Variants in METTL2B observed in about 807,000 individuals in gnomAD.
METTL2B encodes the protein tRNA N(3)-cytidine methyltransferase METTL2B.
Under a neutral mutation model 51.0 loss-of-function variants are expected in METTL2B, and 28 were observed. That is an observed-to-expected ratio of 0.55 (90% CI 0.41 to 0.75). The LOEUF (loss-of-function observed/expected upper bound fraction) is 0.75, where lower values mean the gene tolerates loss of function less well. Among genes scored for constraint, METTL2B ranks in the 30% least tolerant of loss-of-function variants. The pLI is 0.00. For synonymous variants in METTL2B, 128 were observed against 166.3 expected, an observed-to-expected ratio of 0.77 and a Z score of 1.77; for missense variants, 313 against 460.7, an observed-to-expected ratio of 0.68 and a Z score of 2.93.
At chr7:128,487,413 C>T (rs549329138) in intron 4 of METTL2B, among the ~76,000 whole-genome samples, 5 of 152,194 alleles carry the variant, frequency 3.3e-5, no homozygotes, top group South Asian at 2.1e-4. Context: ...AGAATTCTGG[C>T]ATTACAAATT....
At chr7:128,491,661 G>A (rs1291669393) in intron 5 of METTL2B, among the ~76,000 whole-genome samples, 1 of 151,390 alleles carries the variant, frequency 6.6e-6, no homozygotes, top group African/African-American at 2.4e-5. Flanking sequence ...AGCTACTGGG[G>A]AGGCTGAGGC....
rs540146967 is a variant in METTL2B at position 128,490,310 on chromosome 7, C to T, written c.669+2149C>T. Among the ~76,000 whole-genome samples the T allele has an allele frequency of 3.4e-5, 5 of 146,872 alleles. No homozygotes were observed. In the South Asian group the frequency reaches 1.1e-3, roughly 32 times the overall value. ...CAACAAGATTGCAGCAATTCAGTTA[C>T]ATCTTCAGGCTTCACTTTTTTTTTT... On this transcript the variant is annotated intron_variant, in intron 5 of 8. Coordinates refer to ENST00000262432, the MANE Select transcript of METTL2B (RefSeq NM_018396.3).
At chr7:128,499,421 C>G (rs1035248127) in intron 7 of METTL2B, among the ~76,000 whole-genome samples, 2 of 151,900 alleles carry the variant, frequency 1.3e-5, no homozygotes, top group African/African-American at 2.4e-5. Flanking sequence ...GGCGCGATCT[C>G]GGCTCACTGC....
At chr7:128,494,543 T>C (rs1289648817) in intron 6 of METTL2B, among the ~76,000 whole-genome samples, 2 of 152,326 alleles carry the variant, frequency 1.3e-5, no homozygotes, top group African/African-American at 2.4e-5. Context: ...GAAATTCCTA[T>C]TGATAATCTC....
intron 4 of METTL2B, chr7:128,484,251 A>T (rs1394071594): frequency 7.1e-5 from 1 of 14,104 alleles, no homozygotes; most frequent in African/African-American, 2.7e-4. Context: ...TTTTTGAGAC[A>T]GGATTTCTGT....
chr7:128,501,734 C>T, intron 8 of METTL2B, 28 bp from the exon 9 acceptor site: 1 of 1,610,942 alleles, frequency 6.2e-7, no homozygotes, highest in Non-Finnish European at 8.5e-7. Context: ...GGGGAAAATG[C>T]ATAAACATCT....
rs181495407 is a variant in METTL2B at position 128,494,373 on chromosome 7, A to G, written c.809+430A>G. On this transcript the variant is annotated intron_variant, in intron 6 of 8. Transcript: ENST00000262432. ...CTGATAGACACAAAGAAGCCACACC[A>G]TTTGTAGTGATGTGAGCATCTCAAC... Among the ~76,000 whole-genome samples the G allele has an allele frequency of 2.8e-3, 426 of 152,310 alleles. 4 individuals are homozygous for G. Among genetic ancestry groups the G allele is most frequent in the African/African-American group, 9.8e-3 (407 of 41,570 alleles).
At chr7:128,486,148 A>T (rs544513202) in intron 4 of METTL2B, among the ~76,000 whole-genome samples, 53 of 151,808 alleles carry the variant, frequency 3.5e-4, no homozygotes, top group African/African-American at 1.2e-3. Context: ...ACAAAAATTA[A>T]CCAGGCGTGG....
At chr7:128,499,109 A>G (rs1230049121) in intron 7 of METTL2B, among the ~76,000 whole-genome samples, 2 of 152,184 alleles carry the variant, frequency 1.3e-5, no homozygotes, top group Admixed American at 1.3e-4. Context: ...GAATATTTTC[A>G]GTGCATATAA....
At chr7:128,497,138 T>C (rs1792938851) in intron 6 of METTL2B, among the ~76,000 whole-genome samples, 1 of 152,176 alleles carries the variant, frequency 6.6e-6, no homozygotes, top group Non-Finnish European at 1.5e-5. Context: ...GCATTTAGAC[T>C]TCTCAAGTTA....
rs761443416 is a variant in METTL2B, at chr7:128,496,712, A to G, written c.810-1324A>G. Among the ~76,000 whole-genome samples, 112 of 152,180 alleles carry G rather than the reference A, an allele frequency of 7.4e-4. 1 individual carries two copies. The highest frequency in any genetic ancestry group is 8.8e-4 in the Non-Finnish European group (60 of 68,022). On this transcript the variant is annotated intron_variant, in intron 6 of 8. Transcript: ENST00000262432. ...GAGGCAGGAGGATCACTTGAGCCCA[A>G]GAGTCCAGCCTGGGCAACATAGCAT...
At position 128,479,180 on chromosome 7, in the gene METTL2B, C is replaced by T. The variant is rs966967619; in HGVS notation, c.225C>T (p.His75=). 1.2e-6 allele frequency: 2 copies of T among 1,613,050 alleles called. No homozygotes were observed. The highest frequency in any genetic ancestry group is 2.7e-5 in the African/African-American group (2 of 74,900). ...EKQVDYEINA[H]KYWNDFYKIH... ...CAGTTGATTATGAGATCAATGCCCA[C>T]AAATACTGGAATGACTTCTACAAAA... Residue 75 remains histidine, a synonymous_variant, in exon 3 of 9, where the codon CAC becomes CAT. Coordinates refer to ENST00000262432, the MANE Select transcript of METTL2B (RefSeq NM_018396.3).
At chr7:128,481,143 C>T (rs1186730827) in intron 4 of METTL2B, among the ~76,000 whole-genome samples, 3 of 152,222 alleles carry the variant, frequency 2.0e-5, no homozygotes, top group Non-Finnish European at 2.9e-5. Flanking sequence ...AGAAAGCTAT[C>T]ATACATGAAG....
chr7:128,494,444 G>A lies in METTL2B; in HGVS notation c.809+501G>A, dbSNP rs866598872. On this transcript the variant is annotated intron_variant, in intron 6 of 8. Transcript: ENST00000262432. ...GATGTCCAACTTCTGTTCTGGCCTC[G>A]AAACTTCTGCAGTAGTTGGTTCTTC... Among the ~76,000 whole-genome samples, 8 of 152,164 alleles carry A rather than the reference G, an allele frequency of 5.3e-5. No homozygotes were observed. The South Asian group carries it at 8.3e-4, about 16-fold the overall frequency.
At chr7:128,496,756 TTTTCTTTG>T (rs1563030738) in intron 6 of METTL2B, among the ~76,000 whole-genome samples, 2 of 100,272 alleles carry the variant, frequency 2.0e-5, no homozygotes, top group African/African-American at 7.7e-5. Flanking sequence ...CCCAGCTGCT[TTTTCTTTG>T]TTTGTTTGTT....
chr7:128,501,050 G>A, intron 8 of METTL2B, 82 bp downstream of exon 8: 1 of 1,595,510 alleles, frequency 6.3e-7, no homozygotes, highest in Admixed American at 1.7e-5. Context: ...AAACTATCTG[G>A]CCCCTCCTGC....
intron 5 of METTL2B, among the ~76,000 whole-genome samples, chr7:128,492,598 T>C (rs1277094816): frequency 1.2e-5 from 1 of 81,564 alleles, no homozygotes; most frequent in Non-Finnish European, 2.8e-5. Context: ...GCTTTTGGTT[T>C]GTTTGTTTGT....
In METTL2B at chr7:128,492,717, C is replaced by T. The variant is rs538766661; in HGVS notation, c.670-1087C>T. ...CTGCAAGCTCCGCCTCCCGGGTTCA[C>T]GCCATTCTCCTGCCTCAGCCTCCCG... is the stretch of plus-strand genomic sequence containing the variant. On this transcript the variant is annotated intron_variant, in intron 5 of 8. Transcript: ENST00000262432. Among the ~76,000 whole-genome samples, 45 of 151,058 alleles carry T rather than the reference C, an allele frequency of 3.0e-4. No individual in the cohort carries two copies. The East Asian group carries it at 7.5e-3, about 25-fold the overall frequency.
rs1246669094 is a variant in METTL2B, at chr7:128,495,149, C to G, written c.809+1206C>G. ...TGTTGGCCAGGCTGGTCTCGAACTC[C>G]TGACCTCATGATCCGCCTGCCACGG... On this transcript the variant is annotated intron_variant, in intron 6 of 8. Coordinates refer to ENST00000262432, the MANE Select transcript of METTL2B (RefSeq NM_018396.3). Among the ~76,000 whole-genome samples the G allele has an allele frequency of 5.3e-5, 8 of 151,786 alleles. No individual in the cohort carries two copies. In the East Asian group the frequency reaches 1.6e-3, roughly 30 times the overall value.
Sources: allele counts gnomAD v4.1 joint callset (sites outside exome capture counted in the v4.1 genomes callset), GRCh38; gene constraint gnomAD v4.1.1; transcripts MANE v1.5; gene names NCBI Gene and HGNC (gene_info 2026-07-23, HGNC 2026-07-21).